Variants in KLHL20 observed in about 807,000 individuals in gnomAD.
KLHL20 encodes the protein kelch-like protein 20.
In KLHL20, 29 loss-of-function variants were observed where a neutral mutation model predicts 69.5. That is an observed-to-expected ratio of 0.42 (90% CI 0.31 to 0.57). The LOEUF is 0.57. Ranked by LOEUF, KLHL20 falls within the 20% of genes least tolerant of loss-of-function variation. The pLI, the probability that KLHL20 is intolerant of heterozygous loss-of-function variation, is 0.18. For missense variants in KLHL20, 419 were observed against 776.0 expected (o/e 0.54, Z 5.47); for synonymous variants, 253 against 265.2 (o/e 0.95, Z 0.45).
intron 3 of KLHL20, among the ~76,000 whole-genome samples, chr1:173,740,991 GC>G (rs1672786038): frequency 6.6e-6 from 1 of 152,174 alleles, no homozygotes; most frequent in African/African-American, 2.4e-5. Flanking sequence ...TGCCTACAGG[GC>G]TTTTCCTACT....
At chr1:173,742,731 CAT>C (rs1359564245) in intron 3 of KLHL20, among the ~76,000 whole-genome samples, 2 of 149,894 alleles carry the variant, frequency 1.3e-5, no homozygotes, top group African/African-American at 2.4e-5. Context: ...TATGTATATA[CAT>C]GTGTGTATAT....
At chr1:173,738,564 C>T (rs1198659621) in intron 3 of KLHL20, among the ~76,000 whole-genome samples, 2 of 152,152 alleles carry the variant, frequency 1.3e-5, no homozygotes, top group Non-Finnish European at 2.9e-5. Flanking sequence ...GCATCTTTGT[C>T]TTGTTCCAGT....
intron 7 of KLHL20, among the ~76,000 whole-genome samples, chr1:173,765,008 G>A (rs1419174315): frequency 6.6e-6 from 1 of 152,060 alleles, no homozygotes; most frequent in Admixed American, 6.5e-5. Flanking sequence ...GTGGTACCCA[G>A]GGGCAAATTT....
intron 9 of KLHL20, among the ~76,000 whole-genome samples, chr1:173,775,420 C>T (rs759175586): frequency 2.6e-5 from 4 of 152,184 alleles, no homozygotes; most frequent in Admixed American, 1.3e-4. Flanking sequence ...GATCCCAACA[C>T]GTGCCCTTTC....
chr1:173,775,540 A>G (rs758075166), intron 9 of KLHL20, 94 bp from the exon 10 acceptor site: 3 of 1,005,650 alleles, frequency 3.0e-6, no homozygotes, highest in Non-Finnish European at 4.5e-6. Context: ...TGTTGAAAAT[A>G]TGTGTTATCA....
chr1:173,769,811 A>G (rs926067437), intron 8 of KLHL20, among the ~76,000 whole-genome samples: 2 of 151,236 alleles, frequency 1.3e-5, no homozygotes, highest in African/African-American at 4.9e-5. Context: ...ATTTAAGGAT[A>G]CCCCATTCTT....
chr1:173,761,133 A>G (rs1647271970), intron 7 of KLHL20, among the ~76,000 whole-genome samples: 1 of 152,236 alleles, frequency 6.6e-6, no homozygotes, highest in Non-Finnish European at 1.5e-5. Flanking sequence ...GTTAAAAGAG[A>G]CAAAGAGGGA....
intron 3 of KLHL20, among the ~76,000 whole-genome samples, chr1:173,735,633 A>G (rs2102474764): frequency 6.6e-6 from 1 of 152,116 alleles, no homozygotes; most frequent in East Asian, 1.9e-4. Context: ...TTTTTGGAGA[A>G]CAGGTGGTGT....
intron 2 of KLHL20, among the ~76,000 whole-genome samples, chr1:173,732,376 A>G (rs1342421551): frequency 1.3e-5 from 2 of 152,116 alleles, no homozygotes; most frequent in Non-Finnish European, 2.9e-5. Context: ...TAATCTGAAA[A>G]AGAGAGAGAT....
rs532122811 is a variant in KLHL20, at chr1:173,762,921, A to G, written c.1152-3225A>G. On this transcript the variant is annotated intron_variant, in intron 7 of 11. Coordinates refer to ENST00000209884, the MANE Select transcript of KLHL20 (RefSeq NM_014458.4). ...AAATAAAGGGCATCCAAATCAGTAA[A>G]GAGGAAGTCATACTGTCACTGTTTG... Among the ~76,000 whole-genome samples the G allele has an allele frequency of 6.6e-5, 10 of 152,314 alleles. No individual in the cohort carries two copies. The South Asian group carries it at 2.1e-3, about 32-fold the overall frequency.
At chr1:173,774,061 G>GTCATAGGT (rs1402674157) in intron 8 of KLHL20, among the ~76,000 whole-genome samples, 3 of 151,678 alleles carry the variant, frequency 2.0e-5, no homozygotes, top group Non-Finnish European at 4.4e-5. Context: ...GTGAGCTGAA[G>GTCATAGGT]TCATAGGTTG....
intron 3 of KLHL20, among the ~76,000 whole-genome samples, chr1:173,746,110 A>G (rs1305665382): frequency 1.3e-5 from 2 of 152,226 alleles, no homozygotes; most frequent in African/African-American, 2.4e-5. Context: ...TGTAACTTAC[A>G]TTAATGGAAT....
chr1:173,784,079 A>T (rs901579902), intron 11 of KLHL20, among the ~76,000 whole-genome samples: 1 of 152,160 alleles, frequency 6.6e-6, no homozygotes, highest in Middle Eastern at 3.2e-3. Flanking sequence ...ACTCCGTCTC[A>T]AAACAAAACA....
chr1:173,727,557 A>G lies in KLHL20; in HGVS notation c.24-6156A>G, dbSNP rs1475045815. Among the ~76,000 whole-genome samples, 5 of 152,240 alleles carry G rather than the reference A, an allele frequency of 3.3e-5. No homozygotes were observed. In the East Asian group the frequency reaches 9.6e-4, roughly 29 times the overall value. Reference sequence around the variant, plus strand: ...TCAGACTAACAGCTGATCTCTCGGCAGAAACTCTACAAGCCAGAAGACAGT... The same window carrying G: ...TCAGACTAACAGCTGATCTCTCGGCGGAAACTCTACAAGCCAGAAGACAGT... On this transcript the variant is annotated intron_variant, in intron 2 of 11. Transcript: ENST00000209884.
chr1:173,738,278 C>T (rs1188248945), intron 3 of KLHL20, among the ~76,000 whole-genome samples: 1 of 152,174 alleles, frequency 6.6e-6, no homozygotes, highest in Non-Finnish European at 1.5e-5. Flanking sequence ...AAGCGATCCT[C>T]CCGCCTCAGC....
chr1:173,773,944 C>T (rs1435565500), intron 8 of KLHL20, among the ~76,000 whole-genome samples: 2 of 146,826 alleles, frequency 1.4e-5, no homozygotes, highest in South Asian at 2.2e-4. Context: ...ACCCAGGAGG[C>T]GGAGCTTGCA....
chr1:173,735,565 T>A (rs1672490356), intron 3 of KLHL20, among the ~76,000 whole-genome samples: 1 of 152,228 alleles, frequency 6.6e-6, no homozygotes, highest in Non-Finnish European at 1.5e-5. Flanking sequence ...AATCATATTT[T>A]TATTTATTTT....
rs1553196784 is a variant in KLHL20 at position 173,786,569 on chromosome 1, G to T, written c.*1322G>T. 1 of 152,240 alleles carries T rather than the reference G, an allele frequency of 6.6e-6. No homozygotes were observed. Among genetic ancestry groups the T allele is most frequent in the Non-Finnish European group, 1.5e-5 (1 of 67,944 alleles). The allele number at this position is 152,240 out of a possible 1,614,324, so 9.4% of individuals were successfully genotyped here. On this transcript the variant is annotated 3_prime_UTR_variant, in exon 12 of 12. Coordinates refer to ENST00000209884, the MANE Select transcript of KLHL20 (RefSeq NM_014458.4). ...TGGCAACTTTGTGTTTACATTTAAA[G>T]ATCATTTGCACCTTTTTCAAGGAAA... is the stretch of plus-strand genomic sequence containing the variant.
chr1:173,735,000 G>A (rs1205277615), intron 3 of KLHL20, among the ~76,000 whole-genome samples: 1 of 152,164 alleles, frequency 6.6e-6, no homozygotes, highest in Non-Finnish European at 1.5e-5. Context: ...AACAACTTGT[G>A]CAAAATCCCA....
Sources: gnomAD v4.1 joint callset for allele counts (sites outside exome capture counted in the v4.1 genomes callset) on GRCh38, gnomAD v4.1.1 for gene constraint, MANE v1.5 for transcripts, NCBI Gene and HGNC (gene_info 2026-07-23, HGNC 2026-07-21) for gene names.